The following PALM2AKAP2 variants were observed in gnomAD, a reference collection of about 807,000 sequenced individuals.
The protein encoded by PALM2AKAP2 is PALM2 and AKAP2 fusion, also known as PALM2-AKAP2 fusion protein.
In PALM2AKAP2, 37 loss-of-function variants were observed where a neutral mutation model predicts 71.5. The observed-to-expected ratio is 0.52, with a 90% CI of 0.40 to 0.68. The LOEUF (loss-of-function observed/expected upper bound fraction) is 0.68. Among genes scored for constraint, PALM2AKAP2 ranks in the 30% least tolerant of loss-of-function variants. The pLI is 0.00. For missense variants in PALM2AKAP2, 1,224 were observed against 1,191.8 expected, an observed-to-expected ratio of 1.03 and a Z score of -0.40; for synonymous variants, 468 against 478.8, an observed-to-expected ratio of 0.98 and a Z score of 0.29.
intron 1 of PALM2AKAP2, among the ~76,000 whole-genome samples, chr9:109,717,091 G>A (rs375706139): frequency 3.8e-4 from 58 of 152,154 alleles, no homozygotes; most frequent in Admixed American, 3.9e-4. Flanking sequence ...CCCACAGACA[G>A]CGCTGGCAAG....
intron 1 of PALM2AKAP2, among the ~76,000 whole-genome samples, chr9:109,654,696 G>A (rs781221320): frequency 7.9e-5 from 12 of 151,750 alleles, no homozygotes; most frequent in Non-Finnish European, 1.3e-4. Context: ...AAGTAGAGGA[G>A]GAGTGTTCTA....
intron 6 of PALM2AKAP2, among the ~76,000 whole-genome samples, chr9:109,938,216 C>A (rs569363803): frequency 6.6e-6 from 1 of 152,242 alleles, no homozygotes; most frequent in South Asian, 2.1e-4. Flanking sequence ...AATATAAATG[C>A]TTACTCATAA....
Position 110,055,226 on chromosome 9 carries a change from G to T in PALM2AKAP2, c.156+6371G>T, listed in dbSNP as rs547442189. Among the ~76,000 whole-genome samples, 58 of 148,548 alleles carry T rather than the reference G, an allele frequency of 3.9e-4. No homozygotes were observed. The South Asian group carries it at 0.011, about 29-fold the overall frequency. On this transcript the variant is annotated intron_variant, in intron 1 of 3. Transcript: ENST00000374525. ...TATTTATTTTTTGAGACAGAGTTTTGCTCTTGTTGCCCAGGCTGGAGTGCA... is the reference window on the plus strand; with the variant it reads ...TATTTATTTTTTGAGACAGAGTTTTTCTCTTGTTGCCCAGGCTGGAGTGCA...
At chr9:109,915,926 G>A (rs1830678307) in intron 3 of PALM2AKAP2, among the ~76,000 whole-genome samples, 1 of 151,824 alleles carries the variant, frequency 6.6e-6, no homozygotes, top group Non-Finnish European at 1.5e-5. Flanking sequence ...CAACACCCAG[G>A]CAAAGGGAAA....
intron 6 of PALM2AKAP2, among the ~76,000 whole-genome samples, chr9:109,948,064 A>C (rs1831551394): frequency 6.6e-6 from 1 of 152,212 alleles, no homozygotes; most frequent in African/African-American, 2.4e-5. Context: ...GATTCCTGCT[A>C]CCACCAGTTC....
At chr9:109,960,522 A>C (rs1831834702) in intron 6 of PALM2AKAP2, among the ~76,000 whole-genome samples, 1 of 152,188 alleles carries the variant, frequency 6.6e-6, no homozygotes, top group African/African-American at 2.4e-5. Context: ...TGTGCCTGTA[A>C]ATCCCAGCTA....
chr9:109,785,157 C>T (rs1826928138), intron 1 of PALM2AKAP2, among the ~76,000 whole-genome samples: 1 of 152,150 alleles, frequency 6.6e-6, no homozygotes, highest in Admixed American at 6.5e-5. Flanking sequence ...TCAGGCTACA[C>T]CAGGGACCAG....
chr9:110,023,543 A>G (rs1016138163), intron 7 of PALM2AKAP2, among the ~76,000 whole-genome samples: 1 of 150,986 alleles, frequency 6.6e-6, no homozygotes, highest in East Asian at 2.0e-4. Flanking sequence ...TGAACTCACC[A>G]CCTCAAATGA....
At chr9:109,904,885 G>A (rs1830412215) in intron 3 of PALM2AKAP2, among the ~76,000 whole-genome samples, 2 of 152,180 alleles carry the variant, frequency 1.3e-5, no homozygotes, top group Admixed American at 1.3e-4. Flanking sequence ...ATTTTAAGTG[G>A]CATTGTTTTT....
At chr9:109,881,390 C>T (rs2131763700) in intron 3 of PALM2AKAP2, among the ~76,000 whole-genome samples, 1 of 152,260 alleles carries the variant, frequency 6.6e-6, no homozygotes, top group Non-Finnish European at 1.5e-5. Flanking sequence ...AGGTTGTTAG[C>T]TGTTATTGCT....
chr9:109,773,219 T>C (rs1829298175), intron 1 of PALM2AKAP2, among the ~76,000 whole-genome samples: 1 of 152,180 alleles, frequency 6.6e-6, no homozygotes, highest in Non-Finnish European at 1.5e-5. Flanking sequence ...CACTGCAGCC[T>C]CGACCTCCTG....
At chr9:109,900,566 A>G (rs368384984) in intron 3 of PALM2AKAP2, among the ~76,000 whole-genome samples, 1 of 152,160 alleles carries the variant, frequency 6.6e-6, no homozygotes, top group East Asian at 1.9e-4. Flanking sequence ...GGCTGAGTTA[A>G]TCTTTCTAAA....
At chr9:109,640,822 G>A (rs1827053834) in exon 1 of PALM2AKAP2, 2 of 1,513,446 alleles carry the variant, frequency 1.3e-6, no homozygotes, top group Non-Finnish European at 1.8e-6. Context: ...AGCAGCGCCG[G>A]TGAGCCCCGC....
At chr9:110,136,058 G>C in intron 1 of PALM2AKAP2, 69 bp from the exon 8 acceptor site, 1 of 1,492,824 alleles carries the variant, frequency 6.7e-7, no homozygotes, top group South Asian at 1.4e-5. Context: ...TTATGAGTCA[G>C]TTTGTCAGCA....
At chr9:109,933,330 T>C (rs2132004423) in intron 6 of PALM2AKAP2, among the ~76,000 whole-genome samples, 1 of 152,314 alleles carries the variant, frequency 6.6e-6, no homozygotes, top group South Asian at 2.1e-4. Flanking sequence ...AAAATGTGTT[T>C]AAGAGTGACA....
chr9:109,788,079 C>T (rs1042298665), intron 1 of PALM2AKAP2, among the ~76,000 whole-genome samples: 4 of 152,218 alleles, frequency 2.6e-5, no homozygotes, highest in African/African-American at 9.6e-5. Flanking sequence ...CCTTGCAAAT[C>T]ACTGACATTA....
intron 1 of PALM2AKAP2, among the ~76,000 whole-genome samples, chr9:109,821,943 A>G (rs866303629): frequency 1.3e-5 from 2 of 152,378 alleles, no homozygotes; most frequent in African/African-American, 2.4e-5. Context: ...ACAGTTTTTC[A>G]TAAGTTAATG....
intron 1 of PALM2AKAP2, among the ~76,000 whole-genome samples, chr9:110,132,120 C>T (rs530696206): frequency 1.5e-3 from 232 of 151,904 alleles, no homozygotes; most frequent in Non-Finnish European, 2.2e-3. Flanking sequence ...GGCATGATCT[C>T]GGCTCACTGC....
intron 2 of PALM2AKAP2, among the ~76,000 whole-genome samples, chr9:110,147,176 G>T (rs1836195878): frequency 6.6e-6 from 1 of 151,854 alleles, no homozygotes; most frequent in African/African-American, 2.4e-5. Context: ...GCCTGAACCT[G>T]GGAGGCGGAG....
Sources: gnomAD v4.1 joint callset for allele counts (sites outside exome capture counted in the v4.1 genomes callset) on GRCh38, gnomAD v4.1.1 for gene constraint, MANE v1.5 for transcripts, NCBI Gene and HGNC (gene_info 2026-07-23, HGNC 2026-07-21) for gene names.